The following SYNE2 variants were observed in gnomAD, a reference collection of about 807,000 sequenced individuals.
SYNE2 encodes the protein nesprin-2.
Under a neutral mutation model 856.3 loss-of-function variants are expected in SYNE2, and 431 were observed. That is an observed-to-expected ratio of 0.50 (90% CI 0.47 to 0.55). The LOEUF (loss-of-function observed/expected upper bound fraction) is 0.55. Ranked by LOEUF, SYNE2 falls within the 20% of genes least tolerant of loss-of-function variation. The pLI is 0.00. For synonymous variants in SYNE2, 2,923 were observed against 2,872.3 expected (o/e 1.02, Z -0.56); for missense variants, 8,129 against 8,023.2 (o/e 1.01, Z -0.50).
At chr14:64,132,927 G>A (rs111380917) in intron 77 of SYNE2, among the ~76,000 whole-genome samples, 4,832 of 152,272 alleles carry the variant, frequency 0.032, 129 homozygotes, top group Non-Finnish European at 0.046. Flanking sequence ...AGGAGGCCGG[G>A]CGCAGTGGCT....
intron 1 of SYNE2, among the ~76,000 whole-genome samples, chr14:63,856,363 C>CT (rs372938223): frequency 2.0e-5 from 3 of 152,318 alleles, no homozygotes; most frequent in African/African-American, 7.2e-5. Context: ...CTCGCAGACT[C>CT]TAACGAACCT....
chr14:64,098,663 CTACATAAAAA>C, intron 62 of SYNE2, 74 bp from the exon 63 acceptor site: 2 of 1,417,970 alleles, frequency 1.4e-6, no homozygotes, highest in Non-Finnish European at 2.0e-6. Context: ...AAAAAATTAG[CTACATAAAAA>C]TGCAGCTGGA....
At chr14:64,121,809 G>A (rs1219144528) in intron 68 of SYNE2, among the ~76,000 whole-genome samples, 1 of 152,180 alleles carries the variant, frequency 6.6e-6, no homozygotes, top group East Asian at 1.9e-4. Flanking sequence ...CATGTATGCG[G>A]TTTAAATAAC....
chr14:64,000,728 C>G lies in SYNE2; in HGVS notation c.3638+9C>G. Reference sequence around the variant, plus strand: ...ATGACTCTTAATACCAGGTAAAATTCTGAGATCTATTAACTATGAATCTAA... The same window carrying G: ...ATGACTCTTAATACCAGGTAAAATTGTGAGATCTATTAACTATGAATCTAA... On this transcript the variant is annotated intron_variant, in intron 28 of 115. Coordinates refer to ENST00000555002, the MANE Select transcript of SYNE2 (RefSeq NM_182914.3). 1.2e-6 allele frequency: 2 copies of G among 1,609,092 alleles called. No individual in the cohort carries two copies. The highest frequency in any genetic ancestry group is 1.7e-6 in the Non-Finnish European group (2 of 1,177,832).
Position 64,007,118 on chromosome 14 carries a change from T to A in SYNE2, c.4473T>A (p.Ala1491=). ...AGAAGAGACATTTACAAGAAATGGC[T>A]AATTCTCTTCCACACTTCAAAGATG... ...EEEKRHLQEM[A]NSLPHFKDGR... The change falls in exon 31 of 116, where the codon GCT becomes GCA. Residue 1491 remains alanine (A), a synonymous_variant. Coordinates refer to ENST00000555002, the MANE Select transcript of SYNE2 (RefSeq NM_182914.3). 1 of 1,613,468 alleles carries A rather than the reference T, an allele frequency of 6.2e-7. No homozygotes were observed. The highest frequency in any genetic ancestry group is 8.5e-7 in the Non-Finnish European group (1 of 1,179,380).
At chr14:63,943,311 AT>A (rs924281474) in intron 6 of SYNE2, among the ~76,000 whole-genome samples, 9 of 152,204 alleles carry the variant, frequency 5.9e-5, no homozygotes, top group African/African-American at 2.2e-4. Flanking sequence ...AAAACATATG[AT>A]TGATATGTTT....
At chr14:63,762,144 T>C (rs1886507241) in intron 1 of SYNE2, 1 of 377,528 alleles carries the variant, frequency 2.6e-6, no homozygotes, top group African/African-American at 2.1e-5. Context: ...GAAAGCAAGT[T>C]AAAGTGGCCA....
At chr14:64,009,648 G>A (rs1205655855) in intron 31 of SYNE2, among the ~76,000 whole-genome samples, 1 of 151,960 alleles carries the variant, frequency 6.6e-6, no homozygotes, top group African/African-American at 2.4e-5. Flanking sequence ...TGTTTTCTGA[G>A]ATGTCTTTTG....
chr14:63,815,015 C>CATCCATATAT (rs1888859338), intron 1 of SYNE2, among the ~76,000 whole-genome samples: 2 of 59,266 alleles, frequency 3.4e-5, no homozygotes, highest in African/African-American at 1.0e-4. Flanking sequence ...TCCATATATA[C>CATCCATATAT]ATCCATATAT....
At chr14:64,019,907 C>T in intron 34 of SYNE2, 85 bp from the exon 35 acceptor site, 2 of 905,656 alleles carry the variant, frequency 2.2e-6, no homozygotes, top group Non-Finnish European at 3.6e-6. Context: ...CTCTCAGTTT[C>T]TATATATAAA....
chr14:64,181,200 A>T (rs1168173606), intron 96 of SYNE2, among the ~76,000 whole-genome samples: 1 of 152,192 alleles, frequency 6.6e-6, no homozygotes, highest in Non-Finnish European at 1.5e-5. Context: ...TTTAGAAGAA[A>T]ATGATTCTAA....
rs779922538 is a variant in SYNE2, at chr14:64,190,246, T to C, written c.18038+9T>C. On this transcript the variant is annotated intron_variant, in intron 99 of 115. Transcript: ENST00000555002. ...GATGTCATCGGATCAAGGTAAGAAA[T>C]GGGCTAAAAATGATTACTCTCCAGG... The C allele has an allele frequency of 9.9e-6, 16 of 1,613,746 alleles. No individual in the cohort carries two copies. The highest frequency in any genetic ancestry group is 1.4e-5 in the Non-Finnish European group (16 of 1,180,002).
In SYNE2 at chr14:64,048,150, A is replaced by T; in HGVS notation, c.7372A>T (p.Ile2458Leu). The T allele has an allele frequency of 3.1e-6, 5 of 1,612,932 alleles. No individual in the cohort carries two copies. The highest frequency in any genetic ancestry group is 4.2e-6 in the Non-Finnish European group (5 of 1,179,348). ...TMLRNEQLEE[I>L]EKLYTQLEAK... Reference sequence around the variant, plus strand: ...GTTAAGAAATGAACAATTAGAAGAGATAGAGGTATGGAAACATAAAAACAC... The same window carrying T: ...GTTAAGAAATGAACAATTAGAAGAGTTAGAGGTATGGAAACATAAAAACAC... The change falls in exon 46 of 116, where the codon ATA becomes TTA. Residue 2458 changes from isoleucine to leucine, a missense_variant. By Grantham distance (5) the Ile-to-Leu change is conservative. Around this residue, in one of 3 missense-constraint regions of SYNE2, gnomAD observed 5,410 missense variants for 5,284.8 expected, o/e 1.02. Coordinates refer to ENST00000555002, the MANE Select transcript of SYNE2 (RefSeq NM_182914.3).
Position 63,802,580 on chromosome 14 carries a change from G to T in SYNE2, c.-305+40594G>T, listed in dbSNP as rs370840041. ...TGAGAAGAACATGATATTTGGAAGG[G>T]GCCAGGAGTGGAATGATATGGTTTG... On this transcript the variant is annotated intron_variant, in intron 1 of 23. Transcript: ENST00000674003. 2.5e-4 allele frequency among the ~76,000 whole-genome samples: 38 copies of T among 152,290 alleles called. 1 individual carries two copies. The highest frequency in any genetic ancestry group is 8.9e-4 in the African/African-American group (37 of 41,556).
At chr14:64,099,014 T>A (rs2097699892) in intron 63 of SYNE2, 193 bp downstream of exon 63, 1 of 601,496 alleles carries the variant, frequency 1.7e-6, no homozygotes, top group South Asian at 1.8e-5. Context: ...TGTGTAAGAG[T>A]GAGATGAATG....
At position 64,209,448 on chromosome 14, in the gene SYNE2, T is replaced by C; in HGVS notation, c.18410T>C (p.Leu6137Pro). Residue 6137 changes from leucine (L) to proline (P), a missense_variant, in exon 102 of 116, where the codon CTG (leucine) becomes CCG (proline). By Grantham distance (98) the Leu-to-Pro change is moderately conservative (BLOSUM62 -3). Transcript: ENST00000555002. ...ATCAGAATCGAGGAGACGTGGCGCC[T>C]GTGGCAGAAGTTTTTAGACGACTAT... The part of the protein sequence containing the change: ...RRMKIEETWR[L>P]WQKFLDDYSR... 1 of 1,614,218 alleles carries C rather than the reference T, an allele frequency of 6.2e-7. No individual in the cohort carries two copies. Among genetic ancestry groups the C allele is most frequent in the Non-Finnish European group, 8.5e-7 (1 of 1,180,036 alleles).
Position 63,954,806 on chromosome 14 carries a change from C to T in SYNE2, c.678C>T (p.Asp226=). 6.2e-7 allele frequency: 1 copy of T among 1,613,892 alleles called. No homozygotes were observed. Among genetic ancestry groups the T allele is most frequent in the African/African-American group, 1.3e-5 (1 of 74,992 alleles). ...FLAIIHALRP[D]LIDMKSVKHR... is the part of the protein sequence containing the mutation. ...CCATCATTCATGCCTTGCGACCAGA[C>T]CTAATTGACATGAAGAGTGTGAAGC... The change falls in exon 8 of 116, where the codon GAC becomes GAT. Residue 226 remains aspartate (D), a synonymous_variant. Transcript: ENST00000555002.
chr14:64,120,173 C>T (rs552210914), intron 67 of SYNE2, among the ~76,000 whole-genome samples: 2 of 152,266 alleles, frequency 1.3e-5, no homozygotes, highest in South Asian at 4.1e-4. Context: ...GTGGTTCCTA[C>T]TTAGAGATTT....
chr14:63,764,386 A>C (rs891661663), intron 1 of SYNE2, among the ~76,000 whole-genome samples: 5 of 152,146 alleles, frequency 3.3e-5, no homozygotes, highest in African/African-American at 1.2e-4. Flanking sequence ...GTGGACAGTG[A>C]GGGCCAGCTG....
Sources: gnomAD v4.1 joint callset for allele counts (sites outside exome capture counted in the v4.1 genomes callset) on GRCh38, gnomAD v4.1.1 for gene constraint, gnomAD v4.1.1 regional missense constraint, MANE v1.5 for transcripts, NCBI Gene and HGNC (gene_info 2026-07-23, HGNC 2026-07-21) for gene names.